Variants in DNM1 observed in about 807,000 individuals in gnomAD.
DNM1 encodes dynamin-1.
Under a neutral mutation model 104.6 loss-of-function variants are expected in DNM1, and 29 were observed. That is an observed-to-expected ratio of 0.28 (90% CI 0.21 to 0.38). The LOEUF (loss-of-function observed/expected upper bound fraction) is 0.38, where lower values mean the gene tolerates loss of function less well. DNM1 is among the 10% of genes least tolerant of loss of function. The pLI is 1.00. For missense variants in DNM1, 640 were observed against 1,189.4 expected, an observed-to-expected ratio of 0.54 and a Z score of 6.79; for synonymous variants, 445 against 475.8, an observed-to-expected ratio of 0.94 and a Z score of 0.84.
rs773609496 is a variant in DNM1, at chr9:128,222,383, C to T, written c.992+44C>T. ...CTATCACTGAATCCCCGCCCCCAGC[C>T]TCTCAGCGTGGGGCTCTCCCAGGGT... On this transcript the variant is annotated intron_variant, in intron 7 of 21. Coordinates refer to ENST00000372923, the MANE Select transcript of DNM1 (RefSeq NM_004408.4). The surrounding 1 kb of genome is among the most constrained non-coding windows in gnomAD (Gnocchi z 7.8). The T allele has an allele frequency of 1.2e-6, 2 of 1,608,808 alleles. No homozygotes were observed. Among genetic ancestry groups the T allele is most frequent in the South Asian group, 1.1e-5 (1 of 90,716 alleles).
chr9:128,253,267 C>A lies in DNM1; in HGVS notation c.2535-1387C>A. On this transcript the variant is annotated intron_variant, in intron 21 of 21. Transcript: ENST00000372923. The surrounding 1 kb of genome is among the most constrained non-coding windows in gnomAD (Gnocchi z 5.9). Reference sequence around the variant, plus strand: ...CCTCCCTTCTGCAGCTGCAGACTTGCTCTTTCCTCTTTCTGTCCTTGTGCC... The same window carrying A: ...CCTCCCTTCTGCAGCTGCAGACTTGATCTTTCCTCTTTCTGTCCTTGTGCC... 1.2e-6 allele frequency: 1 copy of A among 810,848 alleles called. No homozygotes were observed. Among genetic ancestry groups the A allele is most frequent in the Non-Finnish European group, 2.0e-6 (1 of 501,066 alleles). 50.2% of individuals were successfully genotyped at this position (810,848 alleles called of 1,614,324 possible).
chr9:128,204,535 G>T (rs1229447473), intron 1 of DNM1, among the ~76,000 whole-genome samples: 1 of 152,326 alleles, frequency 6.6e-6, no homozygotes, highest in Non-Finnish European at 1.5e-5. Context: ...AAAGACAAAG[G>T]GTCGTGGGTT....
chr9:128,220,929 C>CTTTCTTTCT lies in DNM1; in HGVS notation c.849+595_849+596insCTTTTCTTT, dbSNP rs758360692. Among the ~76,000 whole-genome samples the CTTTCTTTCT allele has an allele frequency of 1.8e-3, 236 of 128,930 alleles. No homozygotes were observed. Among genetic ancestry groups the CTTTCTTTCT allele is most frequent in the Admixed American group, 3.0e-3 (39 of 12,998 alleles). 84.6% of individuals were successfully genotyped at this position (128,930 alleles called of 152,430 possible). The stretch of plus-strand genomic sequence containing the variant: ...TCTTTCTTTCTTTCTTTCTTTCTTT[C>CTTTCTTTCT]TTTCTTTTCTTTTCTTTCTTTCTTT... On this transcript the variant is annotated intron_variant, in intron 6 of 21. Transcript: ENST00000372923. This position sits in a 1 kb window ranked among gnomAD's most constrained non-coding sequence, Gnocchi z 5.2.
At chr9:128,214,579 C>T (rs1310511629) in intron 1 of DNM1, among the ~76,000 whole-genome samples, 1 of 152,214 alleles carries the variant, frequency 6.6e-6, no homozygotes, top group African/African-American at 2.4e-5. Flanking sequence ...GGGGTCACAT[C>T]AGCCCTTGGG....
chr9:128,249,529 G>T lies in DNM1; in HGVS notation c.2077-586G>T, dbSNP rs189630033. Among the ~76,000 whole-genome samples, 1,351 of 152,170 alleles carry T rather than the reference G, an allele frequency of 8.9e-3. 21 individuals carry two copies. Among genetic ancestry groups the T allele is most frequent in the African/African-American group, 0.031 (1,281 of 41,496 alleles). On this transcript the variant is annotated intron_variant, in intron 19 of 21. Coordinates refer to ENST00000372923, the MANE Select transcript of DNM1 (RefSeq NM_004408.4). Reference sequence around the variant, plus strand: ...AAATTAGCCGGGCGTGGTGGCACATGCCTGTAATCCCAGCTACTCAGGAGG... The same window carrying T: ...AAATTAGCCGGGCGTGGTGGCACATTCCTGTAATCCCAGCTACTCAGGAGG...
At position 128,248,870 on chromosome 9, in the gene DNM1, C is replaced by A; in HGVS notation, c.2076+117C>A. 1 of 1,168,064 alleles carries A rather than the reference C, an allele frequency of 8.6e-7. No individual in the cohort carries two copies. Among genetic ancestry groups the A allele is most frequent in the Non-Finnish European group, 1.2e-6 (1 of 802,970 alleles). 72.4% of individuals were successfully genotyped at this position (1,168,064 alleles called of 1,614,324 possible). The stretch of plus-strand genomic sequence containing the variant: ...ATGGGACCAGGTCCAGGGAGGGAGG[C>A]ACGGTCCAGACCAGAGCTGTCCAAT... On this transcript the variant is annotated intron_variant, in intron 19 of 21. Transcript: ENST00000372923. The surrounding 1 kb of genome is among the most constrained non-coding windows in gnomAD (Gnocchi z 5.6).
In DNM1 at chr9:128,220,726, A is replaced by AGCGCGCGCGCGCGCGCGCGC. The variant is rs747195864; in HGVS notation, c.849+386_849+387insCGCGCGCGCGCGCGCGCGCG. 1.5e-5 allele frequency among the ~76,000 whole-genome samples: 2 copies of AGCGCGCGCGCGCGCGCGCGC among 133,392 alleles called. No homozygotes were observed. Among genetic ancestry groups the AGCGCGCGCGCGCGCGCGCGC allele is most frequent in the Non-Finnish European group, 3.3e-5 (2 of 61,210 alleles). The allele number at this position is 133,392 out of a possible 152,430, so 87.5% of individuals were successfully genotyped here. A position where few individuals can be genotyped will look rare whatever the true frequency, so the allele number is the denominator to read the frequency against. On this transcript the variant is annotated intron_variant, in intron 6 of 21. Coordinates refer to ENST00000372923, the MANE Select transcript of DNM1 (RefSeq NM_004408.4). The surrounding 1 kb of genome is among the most constrained non-coding windows in gnomAD (Gnocchi z 5.2). The stretch of plus-strand genomic sequence containing the variant: ...TCTGGAATGGGGCATCCAGAACTGA[A>AGCGCGCGCGCGCGCGCGCGC]GTGCGCGCGCGCGCGCGTGTGTGTG...
In DNM1 at chr9:128,248,254, G is replaced by A; in HGVS notation, c.1905+319G>A. On this transcript the variant is annotated intron_variant, in intron 18 of 21. Transcript: ENST00000372923. This position sits in a 1 kb window ranked among gnomAD's most constrained non-coding sequence, Gnocchi z 5.6. ...AGGCAGGAGAATCGCTTGAACCCAG[G>A]AGGAGGTTGCAATGAGCCAATACAG... 1 of 506,496 alleles carries A rather than the reference G, an allele frequency of 2.0e-6. No homozygotes were observed. Among genetic ancestry groups the A allele is most frequent in the East Asian group, 3.7e-5 (1 of 27,252 alleles). The allele number at this position is 506,496 out of a possible 1,614,324, so 31.4% of individuals were successfully genotyped here.
At chr9:128,236,687 C>CA (rs1019611514) in intron 11 of DNM1, among the ~76,000 whole-genome samples, 1 of 152,004 alleles carries the variant, frequency 6.6e-6, no homozygotes, top group Non-Finnish European at 1.5e-5. Context: ...CCCGTCTCTA[C>CA]AAAAAATTTA....
rs555111084 is a variant in DNM1, at chr9:128,248,506, G to A, written c.1906-77G>A. Reference sequence around the variant, plus strand: ...CCTCAATATTCTGGGTACCCTTGGAGGGGCTGAGATCCTGGGGATGCCTGG... The same window carrying A: ...CCTCAATATTCTGGGTACCCTTGGAAGGGCTGAGATCCTGGGGATGCCTGG... On this transcript the variant is annotated intron_variant, in intron 18 of 21. Coordinates refer to ENST00000372923, the MANE Select transcript of DNM1 (RefSeq NM_004408.4). The surrounding 1 kb of genome is among the most constrained non-coding windows in gnomAD (Gnocchi z 5.6). 124 of 1,547,608 alleles carry A rather than the reference G, an allele frequency of 8.0e-5. 1 individual carries two copies. The African/African-American group carries it at 1.4e-3, about 18-fold the overall frequency.
rs1834929427 is a variant in DNM1, at chr9:128,220,856, TGAGCCTC to T, written c.849+516_849+522del. 6.6e-6 allele frequency among the ~76,000 whole-genome samples: 1 copy of T among 151,734 alleles called. No homozygotes were observed. Among genetic ancestry groups the T allele is most frequent in the Non-Finnish European group, 1.5e-5 (1 of 67,826 alleles). On this transcript the variant is annotated intron_variant, in intron 6 of 21. Transcript: ENST00000372923. The surrounding 1 kb of genome is among the most constrained non-coding windows in gnomAD (Gnocchi z 5.2). ...CTCTGAGACACTCTCTCTGGCTCTC[TGAGCCTC>T]TATTTCTTTTTTCTTTATTTGTTTT...
At position 128,254,335 on chromosome 9, in the gene DNM1, A is replaced by C; in HGVS notation, c.2535-319A>C. On this transcript the variant is annotated intron_variant, in intron 21 of 21. Coordinates refer to ENST00000372923, the MANE Select transcript of DNM1 (RefSeq NM_004408.4). The surrounding 1 kb of genome is among the most constrained non-coding windows in gnomAD (Gnocchi z 6.1). ...GGTGACCAGAGAAGAGGGAAGCCCG[A>C]GGGGGCCGAGCATCAGCCTGAATTG... 1 of 1,400,144 alleles carries C rather than the reference A, an allele frequency of 7.1e-7. No homozygotes were observed. Among genetic ancestry groups the C allele is most frequent in the South Asian group, 1.7e-5 (1 of 59,636 alleles). 86.7% of individuals were successfully genotyped at this position (1,400,144 alleles called of 1,614,324 possible).
At chr9:128,246,075 C>T (rs1480209190) in intron 15 of DNM1, among the ~76,000 whole-genome samples, 1 of 152,144 alleles carries the variant, frequency 6.6e-6, no homozygotes, top group East Asian at 1.9e-4. Context: ...CCTGAGTGTG[C>T]GGTCCCTGCC....
chr9:128,219,947 G>A (rs375254695), intron 4 of DNM1, 41 bp from the exon 5 acceptor site: 2 of 1,478,860 alleles, frequency 1.4e-6, no homozygotes, highest in African/African-American at 2.8e-5. Flanking sequence ...GTGTGTGAGA[G>A]CGGGTGCAGC....
intron 15 of DNM1, 39 bp from the exon 16 acceptor site, chr9:128,246,355 G>T: frequency 1.4e-6 from 2 of 1,416,298 alleles, no homozygotes; most frequent in Non-Finnish European, 1.0e-6. Context: ...GCAGAGAACA[G>T]TGCCAACCTC....
At chr9:128,227,874 C>T (rs545376766) in intron 10 of DNM1, among the ~76,000 whole-genome samples, 25 of 151,624 alleles carry the variant, frequency 1.6e-4, no homozygotes, top group African/African-American at 4.1e-4. Flanking sequence ...TTTTTAGAGA[C>T]GGGGTTTTGC....
chr9:128,250,859 G>C lies in DNM1; in HGVS notation c.2453G>C (p.Arg818Thr). ...GGGGGGGCGCCCCCCGTGCCCTCCA[G>C]GCCGGGGGCTTCCCCTGACCCTTTC... ...ALGGAPPVPS[R>T]PGASPDPFGP... The change falls in exon 21 of 22, where the codon AGG becomes ACG. Residue 818 changes from arginine (R) to threonine (T), a missense_variant. By Grantham distance (71) the Arg-to-Thr change is moderately conservative. Transcript: ENST00000372923. The C allele has an allele frequency of 7.6e-7, 1 of 1,312,912 alleles. No individual in the cohort carries two copies. The allele number at this position is 1,312,912 out of a possible 1,614,324, so 81.3% of individuals were successfully genotyped here. A position where few individuals can be genotyped will look rare whatever the true frequency, so the allele number is the denominator to read the frequency against.
intron 10 of DNM1, among the ~76,000 whole-genome samples, chr9:128,230,304 A>T (rs1053481222): frequency 2.6e-5 from 4 of 151,378 alleles, no homozygotes; most frequent in African/African-American, 7.3e-5. Context: ...AAAAAAAAGC[A>T]GGTTTCAGAA....
Position 128,250,099 on chromosome 9 carries a change from C to CT in DNM1, c.2077-13dup. 1 of 1,614,018 alleles carries CT rather than the reference C, an allele frequency of 6.2e-7. No homozygotes were observed. The highest frequency in any genetic ancestry group is 1.1e-5 in the South Asian group (1 of 91,068). ...GCATCAGGTCCCCACCTCCTTCCCT[C>CT]TTTGCCTACTCGCAGACCAAGGAGT... On this transcript the variant is annotated splice_polypyrimidine_tract_variant and intron_variant, in intron 19 of 21. Coordinates refer to ENST00000372923, the MANE Select transcript of DNM1 (RefSeq NM_004408.4).
Sources: allele counts gnomAD v4.1 joint callset (sites outside exome capture counted in the v4.1 genomes callset), GRCh38; gene constraint gnomAD v4.1.1; non-coding constraint Gnocchi (gnomAD v3.1); transcripts MANE v1.5; gene names NCBI Gene and HGNC (gene_info 2026-07-23, HGNC 2026-07-21).